LY96: variants seen among roughly 807,000 people sequenced by gnomAD.
LY96 encodes myeloid differentiation protein-2.
Under a neutral mutation model 18.9 loss-of-function variants are expected in LY96, and 18 were observed. The observed-to-expected ratio is 0.95, with a 90% CI of 0.66 to 1.41. The LOEUF (loss-of-function observed/expected upper bound fraction) is 1.41, where lower values mean the gene tolerates loss of function less well. Ranked by LOEUF, LY96 falls within the 40% of genes most tolerant of loss-of-function variation. The probability of loss-of-function intolerance (pLI) is 0.00; values close to 1 mark genes in which losing one functional copy is unlikely to be tolerated. For synonymous variants in LY96, 66 were observed against 62.6 expected (o/e 1.06, Z -0.26); for missense variants, 175 against 182.4 (o/e 0.96, Z 0.23).
At chr8:74,009,354 C>G (rs1449823831) in intron 2 of LY96, among the ~76,000 whole-genome samples, 1 of 128,248 alleles carries the variant, frequency 7.8e-6, no homozygotes, top group Non-Finnish European at 1.6e-5. Flanking sequence ...AAGATTACGC[C>G]ACTGCACTCC....
At chr8:74,056,393 T>C in the LY96 span, 1 of 287,508 alleles carries the variant, frequency 3.5e-6, no homozygotes, top group Non-Finnish European at 6.6e-6. Flanking sequence ...TGCAGACAGA[T>C]GTCTTAAAAG....
chr8:74,005,012 G>C (rs2131263315), intron 2 of LY96, 127 bp downstream of exon 2: 1 of 995,514 alleles, frequency 1.0e-6, no homozygotes. Context: ...CACGATCTTT[G>C]TGGCTTAACA....
chr8:74,087,021 C>T, the LY96 span, among the ~76,000 whole-genome samples: 1 of 152,170 alleles, frequency 6.6e-6, no homozygotes, highest in African/African-American at 2.4e-5. Flanking sequence ...TCAAATTCTC[C>T]CTTCTTGTGT....
chr8:74,051,255 C>CTA, the LY96 span, among the ~76,000 whole-genome samples: 1 of 152,152 alleles, frequency 6.6e-6, no homozygotes, highest in Non-Finnish European at 1.5e-5. Context: ...GATATAACTG[C>CTA]TAATGAGAAC....
the LY96 span, among the ~76,000 whole-genome samples, chr8:74,071,089 A>C: frequency 3.3e-4 from 51 of 152,318 alleles, no homozygotes; most frequent in South Asian, 6.2e-4. Context: ...CCTCGGTCAC[A>C]CAGCTAGCAA....
At chr8:74,017,276 T>C (rs1307887912) in intron 3 of LY96, among the ~76,000 whole-genome samples, 4 of 152,070 alleles carry the variant, frequency 2.6e-5, no homozygotes, top group Non-Finnish European at 5.9e-5. Context: ...CAGTAGCCAA[T>C]TCGATCAAGT....
chr8:74,041,068 C>T, the LY96 span, among the ~76,000 whole-genome samples: 6 of 152,032 alleles, frequency 3.9e-5, no homozygotes, highest in Non-Finnish European at 7.4e-5. Flanking sequence ...CAGCTGGAGC[C>T]GCGGCAGAGG....
At chr8:74,075,946 G>A in the LY96 span, among the ~76,000 whole-genome samples, 2 of 152,210 alleles carry the variant, frequency 1.3e-5, no homozygotes, top group South Asian at 2.1e-4. Context: ...GTGCTAGACG[G>A]AGAAGACCTG....
intron 1 of LY96, among the ~76,000 whole-genome samples, chr8:73,999,781 G>C (rs1434829561): frequency 1.3e-5 from 2 of 152,054 alleles, no homozygotes; most frequent in Non-Finnish European, 2.9e-5. Flanking sequence ...TGCCTCCCAA[G>C]GTGCTGAGAT....
At chr8:74,047,178 G>A in the LY96 span, among the ~76,000 whole-genome samples, 2 of 152,268 alleles carry the variant, frequency 1.3e-5, no homozygotes, top group African/African-American at 4.8e-5. Flanking sequence ...GTGAGCCACA[G>A]CGCCCGGCCC....
At chr8:74,046,903 C>CTTTTTTTTTT in the LY96 span, among the ~76,000 whole-genome samples, 1 of 135,172 alleles carries the variant, frequency 7.4e-6, no homozygotes, top group Non-Finnish European at 1.6e-5. Flanking sequence ...CATTCTCATT[C>CTTTTTTTTTT]TTTTTTTTTT....
At chr8:74,061,329 C>T in the LY96 span, among the ~76,000 whole-genome samples, 1 of 152,216 alleles carries the variant, frequency 6.6e-6, no homozygotes, top group East Asian at 1.9e-4. Context: ...TCTCTCTGCT[C>T]CCCAGCACAC....
intron 3 of LY96, among the ~76,000 whole-genome samples, chr8:74,017,007 G>A (rs925436767): frequency 3.9e-5 from 6 of 152,212 alleles, no homozygotes; most frequent in South Asian, 2.1e-4. Flanking sequence ...CCAAAGGATC[G>A]CAGCTCCTCG....
At chr8:74,098,849 T>C in the LY96 span, among the ~76,000 whole-genome samples, 1 of 152,216 alleles carries the variant, frequency 6.6e-6, no homozygotes, top group Non-Finnish European at 1.5e-5. Flanking sequence ...GAGTTAGCAA[T>C]TCTAAGAGAT....
At chr8:74,083,991 CT>C in the LY96 span, among the ~76,000 whole-genome samples, 1 of 151,888 alleles carries the variant, frequency 6.6e-6, no homozygotes, top group East Asian at 1.9e-4. Flanking sequence ...CCAGCCAAAA[CT>C]TTTCTAATCT....
chr8:74,015,271 A>G (rs1027890377), intron 3 of LY96, among the ~76,000 whole-genome samples: 7 of 152,212 alleles, frequency 4.6e-5, no homozygotes, highest in African/African-American at 1.4e-4. Flanking sequence ...GTTACTAAGT[A>G]CCATAAACTG....
chr8:74,081,594 A>G, the LY96 span, among the ~76,000 whole-genome samples: 1 of 151,412 alleles, frequency 6.6e-6, no homozygotes, highest in African/African-American at 2.4e-5. Flanking sequence ...AGGTCTTGCT[A>G]TGCTGTCCAG....
At chr8:74,066,518 G>A in the LY96 span, among the ~76,000 whole-genome samples, 1,370 of 152,236 alleles carry the variant, frequency 9.0e-3, 24 homozygotes, top group African/African-American at 0.031. Flanking sequence ...TGTGAGGGAA[G>A]CAGGTATGCA....
At chr8:74,012,090 G>A (rs1033766438) in intron 3 of LY96, among the ~76,000 whole-genome samples, 3 of 152,128 alleles carry the variant, frequency 2.0e-5, no homozygotes, top group African/African-American at 7.2e-5. Context: ...CATTTTTGGT[G>A]GGAATGTAAA....
Sources: gnomAD v4.1 joint callset for allele counts (sites outside exome capture counted in the v4.1 genomes callset) on GRCh38, gnomAD v4.1.1 for gene constraint, MANE v1.5 for transcripts, NCBI Gene and HGNC (gene_info 2026-07-23, HGNC 2026-07-21) for gene names.